MMP8: variants seen among roughly 807,000 people sequenced by gnomAD.
MMP8 encodes matrix metallopeptidase 8.
MMP8 carries 67 observed loss-of-function variants against 51.2 expected under a neutral mutation model. The ratio of observed to expected loss-of-function variants is 1.31; its 90% CI spans 1.08 to 1.60. MMP8 has a LOEUF of 1.60. Ranked by LOEUF, MMP8 falls within the 40% of genes most tolerant of loss-of-function variation. MMP8 has a pLI of 0.00. For synonymous variants in MMP8, 225 were observed against 191.0 expected (o/e 1.18, Z -1.47); for missense variants, 654 against 558.1 (o/e 1.17, Z -1.73).
intron 8 of MMP8, 62 bp downstream of exon 8, chr11:102,714,494 T>C: frequency 8.5e-7 from 1 of 1,181,252 alleles, no homozygotes; most frequent in Non-Finnish European, 1.1e-6. Context: ...TGCTTGAAGG[T>C]TTGTAAGCAG....
intron 7 of MMP8, 56 bp from the exon 8 acceptor site, chr11:102,714,765 TATATA>T (rs1861234556): frequency 2.2e-4 from 2 of 9,004 alleles, no homozygotes; most frequent in African/African-American, 2.1e-3. Context: ...TACAAAATTA[TATATA>T]TATATATATA....
At position 102,722,602 on chromosome 11, in the gene MMP8, C is replaced by G. The variant is rs759231739; in HGVS notation, c.174G>C (p.Val58=). 1.2e-6 allele frequency: 2 copies of G among 1,613,922 alleles called. No homozygotes were observed. Among genetic ancestry groups the G allele is most frequent in the South Asian group, 2.2e-5 (2 of 91,072 alleles). ...GCATTTCTTTAAGCTTTTCAACGATCACATTAGTGCCATTCTTCCTTGTAG... is the reference window on the plus strand; with the variant it reads ...GCATTTCTTTAAGCTTTTCAACGATGACATTAGTGCCATTCTTCCTTGTAG... The part of the protein sequence containing the change: ...YQSTRKNGTN[V]IVEKLKEMQR... Residue 58 remains valine, a synonymous_variant, in exon 2 of 10, where the codon GTG becomes GTC. Transcript: ENST00000236826.
chr11:102,717,170 A>G (rs2134301762), intron 5 of MMP8, among the ~76,000 whole-genome samples: 1 of 152,254 alleles, frequency 6.6e-6, no homozygotes, highest in East Asian at 1.9e-4. Flanking sequence ...TTTCACTCCA[A>G]TCCACTATTC....
At position 102,713,745 on chromosome 11, in the gene MMP8, C is replaced by G; in HGVS notation, c.1294+9G>C. 1 of 1,461,812 alleles carries G rather than the reference C, an allele frequency of 6.8e-7. No individual in the cohort carries two copies. The allele number at this position is 1,461,812 out of a possible 1,614,324, so 90.6% of individuals were successfully genotyped here. On this transcript the variant is annotated intron_variant, in intron 9 of 9. Transcript: ENST00000236826. ...CAACACATTTATTAGGTTTTTTTTT[C>G]CTACTTACGTTCTTGCTGGAAAACT...
chr11:102,713,368 G>T lies in MMP8; in HGVS notation c.1384C>A (p.Leu462Ile). The change falls in exon 10 of 10, where the codon CTT (leucine) becomes ATT (isoleucine). Residue 462 changes from leucine to isoleucine, a missense_variant. Physicochemically the swap from Leu to Ile is conservative, Grantham distance 5. Transcript: ENST00000236826. Reference sequence around the variant, plus strand: ...TTGCTTCAGCCATATCTACAGTTAAGCCATTTATTGCCTCTTGCAACTCTG... The same window carrying T: ...TTGCTTCAGCCATATCTACAGTTAATCCATTTATTGCCTCTTGCAACTCTG... ...VTRVARGNKW[L>I]NCRYG 6.2e-7 allele frequency: 1 copy of T among 1,612,662 alleles called. No homozygotes were observed. Among genetic ancestry groups the T allele is most frequent in the Non-Finnish European group, 8.5e-7 (1 of 1,178,918 alleles).
At chr11:102,722,875 T>A in intron 1 of MMP8, 1 of 1,025,162 alleles carries the variant, frequency 9.8e-7, no homozygotes, top group Non-Finnish European at 1.4e-6. Flanking sequence ...CTCCAGTTAA[T>A]GGTTATGCAT....
At chr11:102,716,474 T>TTGGATAGGGTTGCTTGAAA in intron 5 of MMP8, 55 bp from the exon 6 acceptor site, 2 of 1,139,644 alleles carry the variant, frequency 1.8e-6, no homozygotes, top group Non-Finnish European at 2.5e-6. Flanking sequence ...GTAAGTCCGG[T>TTGGATAGGGTTGCTTGAAA]GTGACTCTTG....
chr11:102,722,602 C>A lies in MMP8; in HGVS notation c.174G>T (p.Val58=). Residue 58 remains valine, a synonymous_variant, in exon 2 of 10, where the codon GTG becomes GTT. Coordinates refer to ENST00000236826, the MANE Select transcript of MMP8 (RefSeq NM_002424.3). ...GCATTTCTTTAAGCTTTTCAACGAT[C>A]ACATTAGTGCCATTCTTCCTTGTAG... ...YQSTRKNGTN[V]IVEKLKEMQR... 6.2e-7 allele frequency: 1 copy of A among 1,613,920 alleles called. No individual in the cohort carries two copies. Among genetic ancestry groups the A allele is most frequent in the Non-Finnish European group, 8.5e-7 (1 of 1,179,850 alleles).
At chr11:102,721,879 A>G in intron 2 of MMP8, 117 bp from the exon 3 acceptor site, 2 of 1,208,004 alleles carry the variant, frequency 1.7e-6, no homozygotes, top group Non-Finnish European at 2.3e-6. Flanking sequence ...ACTGGAGAGG[A>G]TAAGGAGGGA....
At chr11:102,722,985 ACTAACATTAATTGACTT>A in intron 1 of MMP8, 1 of 1,316,642 alleles carries the variant, frequency 7.6e-7, no homozygotes, top group South Asian at 1.2e-5. Flanking sequence ...AAAAATTAGG[ACTAACATTAATTGACTT>A]CTCTTGAGGT....
At chr11:102,723,015 T>G in intron 1 of MMP8, 1 of 1,298,180 alleles carries the variant, frequency 7.7e-7, no homozygotes, top group Non-Finnish European at 1.0e-6. Flanking sequence ...CTTGAGGTAT[T>G]TGTTGCATCA....
rs769104162 is a variant in MMP8 at position 102,716,396 on chromosome 11, G to T, written c.808C>A (p.Pro270Thr). The T allele has an allele frequency of 5.0e-6, 6 of 1,209,928 alleles. No homozygotes were observed. 74.9% of individuals were successfully genotyped at this position (1,209,928 alleles called of 1,614,324 possible). ...GGTTTGGGTGTGCTTGGTCCAGTAG[G>T]TTGGATAGGGTTGCTTGAAAGTCCT... ...IYGLSSNPIQ[P>T]TGPSTPKPCD... The change falls in exon 6 of 10, where the codon CCT becomes ACT. Residue 270 changes from proline (P) to threonine (T), a missense_variant. Coordinates refer to ENST00000236826, the MANE Select transcript of MMP8 (RefSeq NM_002424.3).
chr11:102,722,703 G>T (rs1165995915), intron 1 of MMP8, 30 bp from the exon 2 acceptor site: 1 of 1,608,762 alleles, frequency 6.2e-7, no homozygotes, highest in Admixed American at 1.7e-5. Flanking sequence ...TAGGGGTCTT[G>T]CTGTGAAAGG....
Position 102,721,388 on chromosome 11 carries a change from T to C in MMP8, c.622+13A>G. 6.2e-7 allele frequency: 1 copy of C among 1,613,398 alleles called. No homozygotes were observed. The highest frequency in any genetic ancestry group is 1.1e-5 in the South Asian group (1 of 91,036). On this transcript the variant is annotated intron_variant, in intron 4 of 9. Coordinates refer to ENST00000236826, the MANE Select transcript of MMP8 (RefSeq NM_002424.3). ...TCAGAAGCTGTGTGTGGACATAATC[T>C]TGATTAACTTACTTGCGGAGGTGTT...
chr11:102,716,684 C>T (rs1356136329), intron 5 of MMP8, among the ~76,000 whole-genome samples: 1 of 152,068 alleles, frequency 6.6e-6, no homozygotes, highest in Non-Finnish European at 1.5e-5. Context: ...ATGCTCCTTC[C>T]TTCCCTTTTA....
intron 2 of MMP8, among the ~76,000 whole-genome samples, chr11:102,722,000 A>C (rs928417649): frequency 6.6e-6 from 1 of 152,138 alleles, no homozygotes; most frequent in Non-Finnish European, 1.5e-5. Context: ...TATCCCTCTC[A>C]TAGGGCTGCC....
At chr11:102,715,947 C>G (rs1861279765) in intron 6 of MMP8, among the ~76,000 whole-genome samples, 1 of 152,062 alleles carries the variant, frequency 6.6e-6, no homozygotes, top group Admixed American at 6.6e-5. Context: ...TATGGGGTTC[C>G]CAAGCAGCTG....
intron 2 of MMP8, 142 bp from the exon 3 acceptor site, chr11:102,721,904 G>A (rs1861485141): frequency 2.2e-6 from 2 of 916,580 alleles, no homozygotes; most frequent in Non-Finnish European, 3.2e-6. Context: ...AGGTCTCAGG[G>A]TGGAGGACAG....
At position 102,721,845 on chromosome 11, in the gene MMP8, T is replaced by A. The variant is rs1190337973; in HGVS notation, c.348-83A>T. The A allele has an allele frequency of 3.3e-6, 5 of 1,495,918 alleles. No individual in the cohort carries two copies. The African/African-American group carries it at 6.9e-5, about 21-fold the overall frequency. The allele number at this position is 1,495,918 out of a possible 1,614,324, so 92.7% of individuals were successfully genotyped here. On this transcript the variant is annotated intron_variant, in intron 2 of 9. Coordinates refer to ENST00000236826, the MANE Select transcript of MMP8 (RefSeq NM_002424.3). ...ACTGATGAGTTGTTCTGTTTTGAAGTGAGTTGCATCATGGTGTGCTACCAC... is the reference window on the plus strand; with the variant it reads ...ACTGATGAGTTGTTCTGTTTTGAAGAGAGTTGCATCATGGTGTGCTACCAC...
Sources: allele counts gnomAD v4.1 joint callset (sites outside exome capture counted in the v4.1 genomes callset), GRCh38; gene constraint gnomAD v4.1.1; transcripts MANE v1.5; gene names NCBI Gene and HGNC (gene_info 2026-07-23, HGNC 2026-07-21).